The following ARSB variants were observed in gnomAD, a reference collection of about 807,000 sequenced individuals.
ARSB encodes arylsulfatase B.
In ARSB, 41 loss-of-function variants were observed where a neutral mutation model predicts 50.9. The observed-to-expected ratio is 0.81, with a 90% CI of 0.63 to 1.04. ARSB has a LOEUF of 1.04. ARSB is among the 50% of genes least tolerant of loss of function. ARSB has a pLI of 0.00. For missense variants in ARSB, 672 were observed against 693.3 expected, an observed-to-expected ratio of 0.97 and a Z score of 0.35; for synonymous variants, 269 against 284.8, an observed-to-expected ratio of 0.94 and a Z score of 0.56.
chr5:78,786,575 A>C (rs1749085613), intron 6 of ARSB, among the ~76,000 whole-genome samples: 1 of 152,214 alleles, frequency 6.6e-6, no homozygotes, highest in African/African-American at 2.4e-5. Context: ...CTTTCGAGTA[A>C]CTGCAGAGCA....
At position 78,781,983 on chromosome 5, in the gene ARSB, A is replaced by C; in HGVS notation, c.1214-9T>G. On this transcript the variant is annotated splice_polypyrimidine_tract_variant and intron_variant, in intron 6 of 7. Coordinates refer to ENST00000264914, the MANE Select transcript of ARSB (RefSeq NM_000046.5). ...CATGCTGTTCCTGGGACCTGGGAAG[A>C]AATAGTTTGAAAGAATTAGATCACT... is the stretch of plus-strand genomic sequence containing the variant. 1 of 1,614,092 alleles carries C rather than the reference A, an allele frequency of 6.2e-7. No homozygotes were observed. The highest frequency in any genetic ancestry group is 1.1e-5 in the South Asian group (1 of 91,084).
At chr5:78,790,143 G>A (rs968086604) in intron 6 of ARSB, among the ~76,000 whole-genome samples, 1 of 152,176 alleles carries the variant, frequency 6.6e-6, no homozygotes, top group Non-Finnish European at 1.5e-5. Context: ...CAGTGCTAGG[G>A]ATGGTAATGA....
At chr5:78,936,707 A>T (rs1750621348) in intron 4 of ARSB, among the ~76,000 whole-genome samples, 1 of 152,184 alleles carries the variant, frequency 6.6e-6, no homozygotes, top group Non-Finnish European at 1.5e-5. Flanking sequence ...GAAGTTTGAT[A>T]AGCCCTGCAT....
At chr5:78,928,519 T>C (rs953864736) in intron 4 of ARSB, among the ~76,000 whole-genome samples, 2 of 152,116 alleles carry the variant, frequency 1.3e-5, no homozygotes, top group Admixed American at 1.3e-4. Flanking sequence ...TTTCGCCATG[T>C]TGGCCAGGCT....
intron 6 of ARSB, among the ~76,000 whole-genome samples, chr5:78,835,166 A>G (rs1744895363): frequency 6.6e-6 from 1 of 152,064 alleles, no homozygotes; most frequent in African/African-American, 2.4e-5. Context: ...ACGTGTATCA[A>G]TATTTTGTGC....
At chr5:78,849,326 C>T (rs1745625840) in intron 5 of ARSB, among the ~76,000 whole-genome samples, 1 of 152,114 alleles carries the variant, frequency 6.6e-6, no homozygotes, top group South Asian at 2.1e-4. Flanking sequence ...ATGGGGAATC[C>T]TTTCCCCATT....
chr5:78,872,905 G>A (rs929613270), intron 5 of ARSB, among the ~76,000 whole-genome samples: 1 of 151,216 alleles, frequency 6.6e-6, no homozygotes, highest in African/African-American at 2.4e-5. Flanking sequence ...AGCACCTGAA[G>A]TAAATGAAAG....
At chr5:78,867,997 G>C (rs370959622) in intron 5 of ARSB, among the ~76,000 whole-genome samples, 5 of 127,490 alleles carry the variant, frequency 3.9e-5, no homozygotes. Context: ...ACCAAGGCTC[G>C]AGAACTACGT....
chr5:78,845,235 G>A (rs1745391186), intron 5 of ARSB, among the ~76,000 whole-genome samples: 1 of 152,112 alleles, frequency 6.6e-6, no homozygotes, highest in South Asian at 2.1e-4. Context: ...TGGCTAAAGA[G>A]TATTCCATTG....
chr5:78,851,916 G>C (rs1944403208), intron 5 of ARSB, among the ~76,000 whole-genome samples: 1 of 152,088 alleles, frequency 6.6e-6, no homozygotes, highest in South Asian at 2.1e-4. Flanking sequence ...TTGCTTGGTA[G>C]ATCTTCCTCC....
chr5:78,977,083 T>C (rs965057229), intron 1 of ARSB, among the ~76,000 whole-genome samples: 1 of 152,224 alleles, frequency 6.6e-6, no homozygotes, highest in Admixed American at 6.5e-5. Context: ...TCACTTGACC[T>C]ACTTTATTTT....
chr5:78,962,721 G>C (rs1488005105), intron 3 of ARSB, among the ~76,000 whole-genome samples: 1 of 151,782 alleles, frequency 6.6e-6, no homozygotes, highest in African/African-American at 2.4e-5. Flanking sequence ...GTAGAGACGG[G>C]GTTTCTATTA....
intron 2 of ARSB, among the ~76,000 whole-genome samples, chr5:78,965,488 T>C (rs62377886): frequency 0.27 from 40,285 of 151,904 alleles, 6,650 homozygotes; most frequent in African/African-American, 0.47. Flanking sequence ...TGGGGAGTGA[T>C]TGCTGAGGTG....
At chr5:78,980,129 T>G (rs1752840549) in intron 1 of ARSB, among the ~76,000 whole-genome samples, 2 of 152,144 alleles carry the variant, frequency 1.3e-5, no homozygotes, top group African/African-American at 4.8e-5. Context: ...AATAGTTGAG[T>G]GGTTTCTTTC....
chr5:78,956,413 G>A (rs1042668240), intron 3 of ARSB, among the ~76,000 whole-genome samples: 5 of 151,990 alleles, frequency 3.3e-5, no homozygotes, highest in Non-Finnish European at 7.4e-5. Flanking sequence ...AGGTTTTTTT[G>A]GGGGGATGAT....
rs192861525 is a variant in ARSB at position 78,954,360 on chromosome 5, G to C, written c.898+935C>G. The stretch of plus-strand genomic sequence containing the variant: ...TTCAGAAAACCGTCTCTAATGAGAG[G>C]GGGAAGTTGCACATGTAACAGATTA... On this transcript the variant is annotated intron_variant, in intron 4 of 7. Transcript: ENST00000264914. Among the ~76,000 whole-genome samples the C allele has an allele frequency of 8.3e-3, 1,266 of 152,256 alleles. 17 individuals carry two copies. Among genetic ancestry groups the C allele is most frequent in the African/African-American group, 0.029 (1,203 of 41,520 alleles).
chr5:78,914,574 C>T (rs1242955911), intron 4 of ARSB, among the ~76,000 whole-genome samples: 3 of 152,206 alleles, frequency 2.0e-5, no homozygotes, highest in East Asian at 3.8e-4. Context: ...CTCAATGCCA[C>T]ACCTTGTTGG....
chr5:78,800,807 A>G (rs926826365), intron 6 of ARSB, among the ~76,000 whole-genome samples: 1 of 152,184 alleles, frequency 6.6e-6, no homozygotes, highest in Non-Finnish European at 1.5e-5. Flanking sequence ...AGAACTCCAG[A>G]GATGGAAAGT....
chr5:78,945,276 C>CAGG (rs1751165558), intron 4 of ARSB, among the ~76,000 whole-genome samples: 4 of 152,190 alleles, frequency 2.6e-5, no homozygotes, highest in Admixed American at 2.6e-4. Context: ...GTGCACCACA[C>CAGG]CCATTGTCCT....
Sources: allele counts gnomAD v4.1 joint callset (sites outside exome capture counted in the v4.1 genomes callset), GRCh38; gene constraint gnomAD v4.1.1; transcripts MANE v1.5; gene names NCBI Gene and HGNC (gene_info 2026-07-23, HGNC 2026-07-21).